Variants in PFAS observed in about 807,000 individuals in gnomAD.
PFAS encodes phosphoribosylformylglycinamidine synthase.
A neutral mutation model predicts 140.6 loss-of-function variants in PFAS; 97 were observed. The ratio of observed to expected loss-of-function variants is 0.69; its 90% CI spans 0.59 to 0.82. PFAS has a LOEUF of 0.82. Ranked by LOEUF, PFAS falls within the 40% of genes least tolerant of loss-of-function variation. PFAS has a pLI of 0.00. For synonymous variants in PFAS, 679 were observed against 718.8 expected, an observed-to-expected ratio of 0.94 and a Z score of 0.88; for missense variants, 1,656 against 1,780.2, an observed-to-expected ratio of 0.93 and a Z score of 1.26.
At chr17:8,250,626 G>T (rs1271272123) in intron 1 of PFAS, among the ~76,000 whole-genome samples, 2 of 152,184 alleles carry the variant, frequency 1.3e-5, no homozygotes, top group Admixed American at 6.5e-5. Flanking sequence ...CCAGAAATTG[G>T]ATAGGTAGTT....
rs1453789150 is a variant in PFAS, at chr17:8,266,050, G to A, written c.2701+33G>A. 2.5e-6 allele frequency: 4 copies of A among 1,573,564 alleles called. No homozygotes were observed. The highest frequency in any genetic ancestry group is 4.5e-5 in the East Asian group (2 of 44,490). On this transcript the variant is annotated intron_variant, in intron 21 of 27. Coordinates refer to ENST00000314666, the MANE Select transcript of PFAS (RefSeq NM_012393.3). The surrounding 1 kb of genome is among the most constrained non-coding windows in gnomAD (Gnocchi z 5.0). ...AAGACCCCTGGGGAGATAGCGCACA[G>A]GGTGCCAGGCGTGCAGCAGGCGTTC...
intron 11 of PFAS, among the ~76,000 whole-genome samples, chr17:8,258,559 G>A (rs929318411): frequency 6.6e-6 from 1 of 152,074 alleles, no homozygotes; most frequent in Non-Finnish European, 1.5e-5. Flanking sequence ...AGACGTGGTG[G>A]GCCAGGCAGG....
chr17:8,249,435 C>T (rs1366292161), intron 1 of PFAS, 96 bp downstream of exon 1: 2 of 152,286 alleles, frequency 1.3e-5, no homozygotes, highest in East Asian at 3.8e-4. Context: ...AGTATCCCCA[C>T]CGGGCCGAGC....
intron 3 of PFAS, 52 bp downstream of exon 3, chr17:8,254,353 T>A (rs1989275822): frequency 6.2e-7 from 1 of 1,601,264 alleles, no homozygotes; most frequent in African/African-American, 1.3e-5. Flanking sequence ...TTGCTTCCTC[T>A]TGTGATCCTT....
chr17:8,265,749 G>A (rs1989787268), intron 20 of PFAS, 110 bp downstream of exon 20: 4 of 1,351,098 alleles, frequency 3.0e-6, no homozygotes, highest in African/African-American at 1.4e-5. Flanking sequence ...GTGTTTTCTG[G>A]GACTGATTGT....
intron 11 of PFAS, among the ~76,000 whole-genome samples, chr17:8,260,899 C>T (rs1989565327): frequency 1.3e-5 from 2 of 152,214 alleles, no homozygotes; most frequent in South Asian, 4.1e-4. Context: ...GCTGGGATTA[C>T]AGGCGTGAGC....
upstream of PFAS, chr17:8,247,989 A>T: frequency 6.2e-7 from 1 of 1,610,062 alleles, no homozygotes; most frequent in Non-Finnish European, 8.5e-7. Context: ...CAAGAGACGT[A>T]ATAGCAGCAC....
chr17:8,251,594 CCTGGCTT>C (rs918187304), intron 1 of PFAS, among the ~76,000 whole-genome samples: 30 of 151,886 alleles, frequency 2.0e-4, no homozygotes, highest in African/African-American at 6.8e-4. Flanking sequence ...AGCCACTGCT[CCTGGCTT>C]CTGTGGGAGT....
At chr17:8,258,589 T>A (rs1260869527) in intron 11 of PFAS, among the ~76,000 whole-genome samples, 1 of 152,008 alleles carries the variant, frequency 6.6e-6, no homozygotes, top group African/African-American at 2.4e-5. Flanking sequence ...ACCTGTAATC[T>A]CAGCACTTTG....
In PFAS at chr17:8,267,248, G is replaced by A; in HGVS notation, c.3175+13G>A. The A allele has an allele frequency of 6.2e-7, 1 of 1,604,108 alleles. No individual in the cohort carries two copies. The highest frequency in any genetic ancestry group is 1.1e-5 in the South Asian group (1 of 90,718). On this transcript the variant is annotated intron_variant, in intron 24 of 27. Transcript: ENST00000314666. The surrounding 1 kb of genome is among the most constrained non-coding windows in gnomAD (Gnocchi z 4.9). ...CCCCGTGAGCCTGGTGAGGGAGTGTGTGCAGAGGCTCCGCGTCCTGGGGGC... is the reference window on the plus strand; with the variant it reads ...CCCCGTGAGCCTGGTGAGGGAGTGTATGCAGAGGCTCCGCGTCCTGGGGGC...
At position 8,253,064 on chromosome 17, in the gene PFAS, A is replaced by G. The variant is rs117675020; in HGVS notation, c.-79-795A>G. 1.3e-4 allele frequency among the ~76,000 whole-genome samples: 20 copies of G among 152,258 alleles called. No individual in the cohort carries two copies. The East Asian group carries it at 3.5e-3, about 26-fold the overall frequency. ...ACATTGAGGATTAGGGTTTCAATATATGAATTGGGAGGGGGAGATACACAA... is the reference window on the plus strand; with the variant it reads ...ACATTGAGGATTAGGGTTTCAATATGTGAATTGGGAGGGGGAGATACACAA... On this transcript the variant is annotated intron_variant, in intron 1 of 27. Coordinates refer to ENST00000314666, the MANE Select transcript of PFAS (RefSeq NM_012393.3).
rs1224897233 is a variant in PFAS, at chr17:8,256,937, A to G, written c.1049A>G (p.Tyr350Cys). The change falls in exon 9 of 28, where the codon TAT becomes TGT. Residue 350 changes from tyrosine to cysteine, a missense_variant. By Grantham distance (194) the Tyr-to-Cys change is radical. Around this residue, in one of 2 missense-constraint regions of PFAS, gnomAD observed 773 missense variants for 757.3 expected, o/e 1.02. Transcript: ENST00000314666. ...CACGTGGTGGCTGGCACTGCCGGCTATTGCTTTGGAAATCTGCATATTCCA... is the reference window on the plus strand; with the variant it reads ...CACGTGGTGGCTGGCACTGCCGGCTGTTGCTTTGGAAATCTGCATATTCCA... ...GAHVVAGTAGYCFGNLHIPGY... is the reference protein window; with the variant it reads ...GAHVVAGTAGCCFGNLHIPGY... The G allele has an allele frequency of 9.9e-6, 16 of 1,613,968 alleles. No homozygotes were observed. The highest frequency in any genetic ancestry group is 1.4e-5 in the Non-Finnish European group (16 of 1,180,010).
At chr17:8,256,149 C>T (rs1407010839) in intron 6 of PFAS, 118 bp from the exon 7 acceptor site, 2 of 998,650 alleles carry the variant, frequency 2.0e-6, no homozygotes, top group African/African-American at 3.3e-5. Flanking sequence ...ATATTTTGAT[C>T]TGTCATCTAA....
rs377458257 is a variant in PFAS at position 8,268,757 on chromosome 17, G to A, written c.3607G>A (p.Glu1203Lys). Residue 1203 changes from glutamate (E) to lysine (K), a missense_variant, in exon 27 of 28, where the codon GAG becomes AAG. Physicochemically the swap from Glu to Lys is moderately conservative, Grantham distance 56. Coordinates refer to ENST00000314666, the MANE Select transcript of PFAS (RefSeq NM_012393.3). ...ACGCCACAACCTGTCTGGGCGCTAC[G>A]AGTCTCGCTGGGCCAGCGTGCGTGT... is the stretch of plus-strand genomic sequence containing the variant. ...LLRHNLSGRY[E>K]SRWASVRVGP... 17 of 1,611,620 alleles carry A rather than the reference G, an allele frequency of 1.1e-5. No homozygotes were observed. Among genetic ancestry groups the A allele is most frequent in the East Asian group, 2.2e-5 (1 of 44,890 alleles).
intron 11 of PFAS, 124 bp from the exon 12 acceptor site, chr17:8,262,795 CA>C (rs377646977): frequency 0.15 from 75,846 of 506,458 alleles, 1 homozygote; most frequent in South Asian, 0.22. Context: ...GACTCCATCT[CA>C]AAAAAAAAAA....
Position 8,268,981 on chromosome 17 carries a change from T to C in PFAS, c.3734T>C (p.Leu1245Pro). ...TACGTAGCATTTTCTTCTCCGGAAC[T>C]CCAAGCTCAGATTGAGGCCAGGGGC... The part of the protein sequence containing the change: ...EGYVAFSSPE[L>P]QAQIEARGLA... Residue 1245 changes from leucine to proline, a missense_variant, in exon 28 of 28, where the codon CTC becomes CCC. Transcript: ENST00000314666. The C allele has an allele frequency of 6.2e-7, 1 of 1,614,196 alleles. No homozygotes were observed. Among genetic ancestry groups the C allele is most frequent in the Non-Finnish European group, 8.5e-7 (1 of 1,180,022 alleles).
At chr17:8,264,029 G>A (rs539765448) in intron 15 of PFAS, 93 bp downstream of exon 15, 41 of 1,518,222 alleles carry the variant, frequency 2.7e-5, no homozygotes, top group South Asian at 1.1e-4. Flanking sequence ...GGAGAGAGAC[G>A]AGAGGAAGAT....
In PFAS at chr17:8,264,355, G is replaced by A; in HGVS notation, c.1917+18G>A. On this transcript the variant is annotated intron_variant, in intron 16 of 27. Transcript: ENST00000314666. ...CTCGGAAGGTATGTGGGGTTGAGGG[G>A]ATGGGTTTTTCCTGTGGTCCTCTCC... The A allele has an allele frequency of 6.2e-7, 1 of 1,613,414 alleles. No individual in the cohort carries two copies. Among genetic ancestry groups the A allele is most frequent in the East Asian group, 2.2e-5 (1 of 44,868 alleles).
intron 10 of PFAS, 51 bp downstream of exon 10, chr17:8,257,989 G>A (rs1989440996): frequency 6.2e-7 from 1 of 1,611,814 alleles, no homozygotes; most frequent in African/African-American, 1.3e-5. Flanking sequence ...GCTTGTGGGT[G>A]GGGTGTGCGA....
Sources: allele counts gnomAD v4.1 joint callset (sites outside exome capture counted in the v4.1 genomes callset), GRCh38; gene constraint gnomAD v4.1.1; regional missense constraint gnomAD v4.1.1; non-coding constraint Gnocchi (gnomAD v3.1); transcripts MANE v1.5; gene names NCBI Gene and HGNC (gene_info 2026-07-23, HGNC 2026-07-21).